C1orf94: variants seen among roughly 807,000 people sequenced by gnomAD.
C1orf94 encodes the protein uncharacterized protein C1orf94.
Under a neutral mutation model 53.6 loss-of-function variants are expected in C1orf94, and 45 were observed. The observed-to-expected ratio is 0.84, with a 90% confidence interval of 0.66 to 1.08. The LOEUF is 1.08. Ranked by LOEUF, C1orf94 falls within the 50% of genes least tolerant of loss-of-function variation. The pLI, the probability that C1orf94 is intolerant of heterozygous loss-of-function variation, is 0.00. For synonymous variants in C1orf94, 304 were observed against 296.1 expected (o/e 1.03, Z -0.27); for missense variants, 762 against 738.9 (o/e 1.03, Z -0.36).
intron 1 of C1orf94, among the ~76,000 whole-genome samples, chr1:34,186,743 C>T (rs941041020): frequency 3.3e-5 from 5 of 152,314 alleles, no homozygotes; most frequent in African/African-American, 4.8e-5. Context: ...GCCCCTTAAT[C>T]GGGGCTATCA....
chr1:34,195,917 T>A (rs1187048180), intron 1 of C1orf94, among the ~76,000 whole-genome samples: 3 of 152,170 alleles, frequency 2.0e-5, no homozygotes, highest in Non-Finnish European at 2.9e-5. Flanking sequence ...TGGCCAGAGC[T>A]GGAACCTGTG....
intron 1 of C1orf94, among the ~76,000 whole-genome samples, chr1:34,171,896 C>T (rs1266331389): frequency 6.6e-6 from 1 of 152,190 alleles, no homozygotes; most frequent in Non-Finnish European, 1.5e-5. Context: ...TGAGGCCTGA[C>T]CAGTTCGGGT....
intron 6 of C1orf94, among the ~76,000 whole-genome samples, chr1:34,216,182 C>T (rs1642984299): frequency 6.6e-6 from 1 of 152,052 alleles, no homozygotes; most frequent in Non-Finnish European, 1.5e-5. Flanking sequence ...GAGTCTGGAA[C>T]TCAGGGGAGA....
At chr1:34,179,687 A>G (rs561982874) in intron 1 of C1orf94, among the ~76,000 whole-genome samples, 1 of 152,244 alleles carries the variant, frequency 6.6e-6, no homozygotes, top group Non-Finnish European at 1.5e-5. Flanking sequence ...AAGATGCATT[A>G]TACAAATCAG....
intron 1 of C1orf94, among the ~76,000 whole-genome samples, chr1:34,178,908 T>C (rs1366297695): frequency 6.6e-6 from 1 of 152,268 alleles, no homozygotes; most frequent in Non-Finnish European, 1.5e-5. Flanking sequence ...ACTTAATTAA[T>C]GTTCCCAGAG....
At position 34,218,478 on chromosome 1, in the gene C1orf94, G is replaced by C. The variant is rs185238725; in HGVS notation, c.1722-208G>C. The stretch of plus-strand genomic sequence containing the variant: ...ACTTCCTGATCCAAGTAAGCATAAG[G>C]AGAAGCGCTTGATTGTCCTCTAATT... On this transcript the variant is annotated intron_variant, in intron 6 of 6. Transcript: ENST00000488417. 2.6e-5 allele frequency among the ~76,000 whole-genome samples: 4 copies of C among 152,202 alleles called. No individual in the cohort carries two copies. The East Asian group carries it at 7.7e-4, about 29-fold the overall frequency.
intron 4 of C1orf94, among the ~76,000 whole-genome samples, chr1:34,207,614 A>T (rs1642820626): frequency 6.6e-6 from 1 of 152,346 alleles, no homozygotes; most frequent in Admixed American, 6.5e-5. Flanking sequence ...AGAAATACAC[A>T]GCTGCATAGA....
rs901062596 is a variant in C1orf94, at chr1:34,197,241, A to G, written c.337A>G (p.Ser113Gly). The stretch of plus-strand genomic sequence containing the variant: ...CATTTCCAGAGCTCTGGAGCTCAGC[A>G]GTGGCAAAGATGAGATCTCCTTGTT... ...SFQEEALELS[S>G]GKDEISLLVE... Residue 113 changes from serine to glycine, a missense_variant, in exon 2 of 7, where the codon AGT becomes GGT. Ser to Gly is a moderately conservative substitution (Grantham distance 56). Transcript: ENST00000488417. The surrounding 1 kb of genome is among the most constrained non-coding windows in gnomAD (Gnocchi z 4.1). 4.6e-6 allele frequency: 7 copies of G among 1,537,178 alleles called. No homozygotes were observed. Among genetic ancestry groups the G allele is most frequent in the Non-Finnish European group, 6.2e-6 (7 of 1,137,754 alleles).
At chr1:34,178,931 A>G (rs1557476344) in intron 1 of C1orf94, among the ~76,000 whole-genome samples, 2 of 152,390 alleles carry the variant, frequency 1.3e-5, no homozygotes, top group Admixed American at 6.5e-5. Context: ...CCTGTGAGGC[A>G]GGTATTAGTG....
intron 1 of C1orf94, among the ~76,000 whole-genome samples, chr1:34,195,482 G>C (rs1050323103): frequency 6.6e-6 from 1 of 152,110 alleles, no homozygotes; most frequent in Non-Finnish European, 1.5e-5. Flanking sequence ...TGTTCCATGT[G>C]GGGGTAGAGA....
rs367889351 is a variant in C1orf94, at chr1:34,197,802, C to A, written c.898C>A (p.Arg300Ser). Residue 300 changes from arginine (R) to serine (S), a missense_variant, in exon 2 of 7, where the codon CGT becomes AGT. Arg to Ser is a moderately radical substitution (Grantham distance 110). Coordinates refer to ENST00000488417, the MANE Select transcript of C1orf94 (RefSeq NM_001134734.2). This position sits in a 1 kb window ranked among gnomAD's most constrained non-coding sequence, Gnocchi z 4.1. ...GCTGCCTCCCCGACCTCCTCCTGCA[C>A]GTCCTGACAAGCTCCCTGAGCTCCC... ...LLLPPRPPPA[R>S]PDKLPELPAQ... The A allele has an allele frequency of 1.2e-6, 2 of 1,614,118 alleles. No homozygotes were observed. Among genetic ancestry groups the A allele is most frequent in the Non-Finnish European group, 1.7e-6 (2 of 1,180,052 alleles).
At chr1:34,213,733 G>C (rs57824993) in intron 6 of C1orf94, among the ~76,000 whole-genome samples, 1,837 of 152,072 alleles carry the variant, frequency 0.012, 43 homozygotes, top group African/African-American at 0.042. Flanking sequence ...TAGAGACGGG[G>C]TTTCACCATG....
At chr1:34,193,880 C>T (rs1642537859) in intron 1 of C1orf94, among the ~76,000 whole-genome samples, 1 of 152,204 alleles carries the variant, frequency 6.6e-6, no homozygotes, top group Non-Finnish European at 1.5e-5. Flanking sequence ...CTGGGGCGGG[C>T]CCATATGTTC....
upstream of C1orf94, among the ~76,000 whole-genome samples, chr1:34,173,325 G>C (rs774575314): frequency 2.0e-5 from 3 of 152,186 alleles, no homozygotes; most frequent in African/African-American, 7.2e-5. Context: ...TATGGTGAGA[G>C]GTGGGTGTGT....
At chr1:34,173,675 A>G (rs1289128624), upstream of C1orf94, among the ~76,000 whole-genome samples, 1 of 152,242 alleles carries the variant, frequency 6.6e-6, no homozygotes, top group East Asian at 1.9e-4. Flanking sequence ...CAAGTCTATG[A>G]GGTCAGTATT....
At chr1:34,172,094 A>C (rs1642153419), upstream of C1orf94, among the ~76,000 whole-genome samples, 1 of 152,210 alleles carries the variant, frequency 6.6e-6, no homozygotes, top group Non-Finnish European at 1.5e-5. Context: ...GGAAGGGCAA[A>C]ATATAAAGCT....
chr1:34,198,953 T>C (rs751999356), intron 2 of C1orf94, among the ~76,000 whole-genome samples: 13 of 152,190 alleles, frequency 8.5e-5, no homozygotes, highest in Non-Finnish European at 1.9e-4. Context: ...CCCATAGATA[T>C]TTCCCTGTTG....
chr1:34,218,975 A>C lies in C1orf94; in HGVS notation c.*214A>C. On this transcript the variant is annotated 3_prime_UTR_variant, in exon 7 of 7. Coordinates refer to ENST00000488417, the MANE Select transcript of C1orf94 (RefSeq NM_001134734.2). ...ACAAGCTACACACACACACACACAC[A>C]TGACCCTCATATTCATACTTGCTTG... 1.0e-5 allele frequency: 1 copy of C among 95,936 alleles called. No homozygotes were observed. The highest frequency in any genetic ancestry group is 2.1e-5 in the Non-Finnish European group (1 of 47,182). 5.9% of individuals were successfully genotyped at this position (95,936 alleles called of 1,614,324 possible).
At chr1:34,189,361 C>A (rs542929794) in intron 1 of C1orf94, among the ~76,000 whole-genome samples, 1 of 141,464 alleles carries the variant, frequency 7.1e-6, no homozygotes, top group Non-Finnish European at 1.5e-5. Context: ...GTGTGTGTGG[C>A]GGGGGGTGGC....
Sources: allele counts gnomAD v4.1 joint callset (sites outside exome capture counted in the v4.1 genomes callset), GRCh38; gene constraint gnomAD v4.1.1; non-coding constraint Gnocchi (gnomAD v3.1); transcripts MANE v1.5; gene names NCBI Gene and HGNC (gene_info 2026-07-23, HGNC 2026-07-21).